The following NTM variants were observed in gnomAD, a reference collection of about 807,000 sequenced individuals.
The protein encoded by NTM is neurotrimin.
NTM carries 13 observed loss-of-function variants against 42.1 expected under a neutral mutation model. That is an observed-to-expected ratio of 0.31 (90% confidence interval 0.20 to 0.49). The LOEUF (loss-of-function observed/expected upper bound fraction) is 0.49. Among genes scored for constraint, NTM ranks in the 20% least tolerant of loss-of-function variants. NTM has a pLI of 0.99. For synonymous variants in NTM, 187 were observed against 179.2 expected (o/e 1.04, Z -0.35); for missense variants, 373 against 452.8 (o/e 0.82, Z 1.60).
intron 1 of NTM, among the ~76,000 whole-genome samples, chr11:131,840,680 G>T (rs1397230517): frequency 6.6e-6 from 1 of 152,164 alleles, no homozygotes; most frequent in Non-Finnish European, 1.5e-5. Context: ...TAAAAATGAA[G>T]AATGTGTTTA....
chr11:132,268,006 G>A (rs889207470), intron 4 of NTM, among the ~76,000 whole-genome samples: 1 of 152,084 alleles, frequency 6.6e-6, no homozygotes, highest in African/African-American at 2.4e-5. Flanking sequence ...TGCCTTTCAT[G>A]TTCCTGTTAG....
At chr11:132,256,132 T>C (rs1342821223) in intron 4 of NTM, among the ~76,000 whole-genome samples, 1 of 152,082 alleles carries the variant, frequency 6.6e-6, no homozygotes, top group Non-Finnish European at 1.5e-5. Flanking sequence ...CTAGGAAGCA[T>C]CTCCTCATTC....
intron 4 of NTM, among the ~76,000 whole-genome samples, chr11:132,235,111 T>C (rs2088524938): frequency 6.6e-6 from 1 of 152,212 alleles, no homozygotes; most frequent in Non-Finnish European, 1.5e-5. Flanking sequence ...TAGTTGTCAA[T>C]GGGATGAATT....
intron 1 of NTM, among the ~76,000 whole-genome samples, chr11:131,439,413 G>A (rs536775123): frequency 6.6e-6 from 1 of 152,334 alleles, no homozygotes; most frequent in East Asian, 1.9e-4. Flanking sequence ...TACCCACAAA[G>A]GTAGAGACTA....
At chr11:131,672,927 T>G (rs2134667491) in intron 1 of NTM, among the ~76,000 whole-genome samples, 4 of 56,494 alleles carry the variant, frequency 7.1e-5, no homozygotes, top group African/African-American at 2.5e-4. Context: ...GGGTGGGGTG[T>G]GACCGTGTTC....
intron 2 of NTM, among the ~76,000 whole-genome samples, chr11:132,013,187 G>T (rs1276494993): frequency 6.6e-6 from 1 of 152,138 alleles, no homozygotes; most frequent in Non-Finnish European, 1.5e-5. Flanking sequence ...AAGATTGAAG[G>T]TAAGGTTCAG....
At chr11:131,427,591 G>GCC (rs1948272928) in intron 1 of NTM, among the ~76,000 whole-genome samples, 1 of 152,166 alleles carries the variant, frequency 6.6e-6, no homozygotes, top group Non-Finnish European at 1.5e-5. Context: ...AATGCCTCCT[G>GCC]TCCCTCGGTG....
At chr11:131,833,903 G>A (rs960487658) in intron 1 of NTM, among the ~76,000 whole-genome samples, 2 of 152,062 alleles carry the variant, frequency 1.3e-5, no homozygotes, top group African/African-American at 4.8e-5. Context: ...TCTTCATTTC[G>A]AAGTCTTTTT....
At position 131,634,156 on chromosome 11, in the gene NTM, T is replaced by C. The variant is rs528264500; in HGVS notation, c.82+263268T>C. ...ATTCTATTTCACTTCACCAGTGAGCTGAAAAAGCATTGGGTAATATGTTAT... is the reference window on the plus strand; with the variant it reads ...ATTCTATTTCACTTCACCAGTGAGCCGAAAAAGCATTGGGTAATATGTTAT... On this transcript the variant is annotated intron_variant, in intron 1 of 8. Transcript: ENST00000683400. 1.2e-4 allele frequency among the ~76,000 whole-genome samples: 18 copies of C among 152,292 alleles called. No homozygotes were observed. In the South Asian group the frequency reaches 3.7e-3, roughly 32 times the overall value.
Position 132,080,271 on chromosome 11 carries a change from T to A in NTM, c.168-66011T>A, listed in dbSNP as rs1594441137. On this transcript the variant is annotated intron_variant, in intron 2 of 8. Coordinates refer to ENST00000683400, the MANE Select transcript of NTM (RefSeq NM_001352005.2). Reference sequence around the variant, plus strand: ...CTTACAGCCTGTGTAGGACATCTTTTAATTTGCCAAGTGACTAAATGTGCA... The same window carrying A: ...CTTACAGCCTGTGTAGGACATCTTTAAATTTGCCAAGTGACTAAATGTGCA... Among the ~76,000 whole-genome samples, 3 of 152,324 alleles carry A rather than the reference T, an allele frequency of 2.0e-5. No individual in the cohort carries two copies. The South Asian group carries it at 6.2e-4, about 32-fold the overall frequency.
At chr11:131,874,159 C>CTTG (rs2048264897) in intron 1 of NTM, among the ~76,000 whole-genome samples, 3 of 148,114 alleles carry the variant, frequency 2.0e-5, no homozygotes, top group African/African-American at 7.4e-5. Flanking sequence ...ACCTGGGCTC[C>CTTG]CACAGTTCAA....
At chr11:131,721,676 T>C (rs1395374218) in intron 1 of NTM, among the ~76,000 whole-genome samples, 1 of 152,044 alleles carries the variant, frequency 6.6e-6, no homozygotes, top group African/African-American at 2.4e-5. Context: ...GTATTGCCAA[T>C]ATCTTAGGGT....
At chr11:131,463,823 C>G (rs1277002706) in intron 1 of NTM, among the ~76,000 whole-genome samples, 1 of 152,178 alleles carries the variant, frequency 6.6e-6, no homozygotes, top group South Asian at 2.1e-4. Flanking sequence ...GCTAATCAGG[C>G]GGTGGCTCCA....
chr11:132,134,356 G>A (rs2067360414), intron 2 of NTM, among the ~76,000 whole-genome samples: 1 of 151,794 alleles, frequency 6.6e-6, no homozygotes, highest in African/African-American at 2.4e-5. Flanking sequence ...TAGGTTAGTG[G>A]GGAACAGATG....
At chr11:131,637,757 T>C (rs948504003) in intron 1 of NTM, among the ~76,000 whole-genome samples, 1 of 152,028 alleles carries the variant, frequency 6.6e-6, no homozygotes, top group African/African-American at 2.4e-5. Flanking sequence ...TTGCATGAAA[T>C]TTGATCTACT....
chr11:131,907,416 TCTCTC>T (rs1421194516), intron 1 of NTM, among the ~76,000 whole-genome samples: 2 of 152,224 alleles, frequency 1.3e-5, no homozygotes, highest in South Asian at 2.1e-4. Context: ...GGCAGGCTCT[TCTCTC>T]CTCCCTCCTT....
intron 1 of NTM, among the ~76,000 whole-genome samples, chr11:131,725,188 C>A (rs2078814548): frequency 1.3e-5 from 2 of 152,172 alleles, no homozygotes; most frequent in Non-Finnish European, 2.9e-5. Flanking sequence ...AGGACAGAAA[C>A]CTTAGTGCTA....
At chr11:132,148,554 G>A (rs2071109713) in intron 3 of NTM, among the ~76,000 whole-genome samples, 1 of 152,176 alleles carries the variant, frequency 6.6e-6, no homozygotes. Flanking sequence ...AGGAAGCAGG[G>A]CCTCATGGAA....
At chr11:132,318,501 TCCAGTC>T (rs2095487130) in intron 7 of NTM, among the ~76,000 whole-genome samples, 1 of 152,132 alleles carries the variant, frequency 6.6e-6, no homozygotes. Context: ...CTCTTCCACT[TCCAGTC>T]CTCCCCTGCA....
Sources: gnomAD v4.1 joint callset for allele counts (sites outside exome capture counted in the v4.1 genomes callset) on GRCh38, gnomAD v4.1.1 for gene constraint, MANE v1.5 for transcripts, NCBI Gene and HGNC (gene_info 2026-07-23, HGNC 2026-07-21) for gene names.